Variants in DPH6 observed in about 807,000 individuals in gnomAD.
DPH6 encodes diphthine--ammonia ligase.
DPH6 carries 33 observed loss-of-function variants against 38.2 expected under a neutral mutation model. The ratio of observed to expected loss-of-function variants is 0.86; its 90% confidence interval spans 0.65 to 1.15. The LOEUF (loss-of-function observed/expected upper bound fraction) is 1.15, where lower values mean the gene tolerates loss of function less well. DPH6 is among the 50% of genes most tolerant of loss of function. The probability of loss-of-function intolerance (pLI) is 0.00; values close to 1 mark genes in which losing one functional copy is unlikely to be tolerated. For synonymous variants in DPH6, 108 were observed against 103.0 expected (o/e 1.05, Z -0.30); for missense variants, 325 against 320.0 (o/e 1.02, Z -0.12).
At chr15:35,263,292 T>G (rs556084646) in intron 3 of DPH6, among the ~76,000 whole-genome samples, 1 of 152,096 alleles carries the variant, frequency 6.6e-6, no homozygotes, top group Admixed American at 6.6e-5. Context: ...AGGTATTAAA[T>G]TAACTCTAGA....
At chr15:35,350,072 G>A (rs980913226) in intron 3 of DPH6, among the ~76,000 whole-genome samples, 2 of 152,102 alleles carry the variant, frequency 1.3e-5, no homozygotes, top group Non-Finnish European at 2.9e-5. Context: ...GAAGTCACTG[G>A]TCCTAAGCTT....
chr15:35,503,928 T>C (rs1458175691), intron 3 of DPH6, among the ~76,000 whole-genome samples: 2 of 152,128 alleles, frequency 1.3e-5, no homozygotes, highest in Non-Finnish European at 2.9e-5. Flanking sequence ...ACGAAATACT[T>C]AATCCCCAGG....
intron 3 of DPH6, among the ~76,000 whole-genome samples, chr15:35,248,322 C>T (rs533600976): frequency 3.0e-4 from 45 of 152,288 alleles, no homozygotes; most frequent in African/African-American, 9.4e-4. Context: ...CTCTAACTTT[C>T]CCCCACCTTT....
chr15:35,414,286 T>C (rs552760259), intron 5 of DPH6, among the ~76,000 whole-genome samples: 13 of 151,896 alleles, frequency 8.6e-5, no homozygotes, highest in Non-Finnish European at 1.5e-4. Flanking sequence ...AATAGTTTAG[T>C]TGCAATATAT....
At chr15:35,509,731 A>G (rs2054742052) in intron 3 of DPH6, among the ~76,000 whole-genome samples, 1 of 152,294 alleles carries the variant, frequency 6.6e-6, no homozygotes, top group East Asian at 1.9e-4. Flanking sequence ...TATGCTTAAT[A>G]TTTTTTTGTC....
At chr15:35,340,846 T>C (rs1417300394) in intron 3 of DPH6, among the ~76,000 whole-genome samples, 1 of 152,138 alleles carries the variant, frequency 6.6e-6, no homozygotes, top group Non-Finnish European at 1.5e-5. Context: ...AATCTGATGA[T>C]TATGTGTCTG....
chr15:35,382,326 C>T (rs956188929), intron 6 of DPH6, among the ~76,000 whole-genome samples: 1 of 151,746 alleles, frequency 6.6e-6, no homozygotes, highest in Non-Finnish European at 1.5e-5. Context: ...GTCCCAGCTA[C>T]TCGGGAGGCC....
chr15:35,196,995 T>C, the DPH6 span, among the ~76,000 whole-genome samples: 6 of 152,210 alleles, frequency 3.9e-5, no homozygotes, highest in Non-Finnish European at 8.8e-5. Context: ...TAGTTACTAC[T>C]GAGGGTTAAA....
intron 3 of DPH6, among the ~76,000 whole-genome samples, chr15:35,345,296 T>C (rs143746994): frequency 6.6e-6 from 1 of 152,060 alleles, no homozygotes; most frequent in East Asian, 1.9e-4. Context: ...GCACTATTTA[T>C]AGAGTCATAA....
intron 3 of DPH6, among the ~76,000 whole-genome samples, chr15:35,350,322 G>GTT (rs60012895): frequency 0.026 from 3,640 of 139,822 alleles, 77 homozygotes; most frequent in African/African-American, 0.047. Flanking sequence ...ACTGGAGTCT[G>GTT]TTTTTTTTTT....
chr15:35,205,811 T>C, the DPH6 span, among the ~76,000 whole-genome samples: 1 of 152,130 alleles, frequency 6.6e-6, no homozygotes, highest in Non-Finnish European at 1.5e-5. Context: ...TAAAAACCTT[T>C]AGTTTTTAAC....
intron 3 of DPH6, among the ~76,000 whole-genome samples, chr15:35,470,615 C>T (rs1162081929): frequency 6.6e-6 from 1 of 151,928 alleles, no homozygotes; most frequent in Admixed American, 6.5e-5. Flanking sequence ...GTGACTTACA[C>T]AGGTTCACAA....
intron 3 of DPH6, among the ~76,000 whole-genome samples, chr15:35,294,458 A>G (rs1347717420): frequency 6.6e-6 from 1 of 152,196 alleles, no homozygotes; most frequent in Non-Finnish European, 1.5e-5. Context: ...CATGTCCATG[A>G]GGATTGAGCT....
At chr15:35,489,640 G>C (rs988133796) in intron 3 of DPH6, 58 of 980,650 alleles carry the variant, frequency 5.9e-5, no homozygotes, top group South Asian at 9.4e-5. Flanking sequence ...ATAATGTTAA[G>C]TAAAAAAATA....
the DPH6 span, among the ~76,000 whole-genome samples, chr15:35,176,474 CTT>C: frequency 1.0e-4 from 15 of 145,032 alleles, no homozygotes; most frequent in Non-Finnish European, 1.2e-4. Flanking sequence ...GTTGTAAGGT[CTT>C]TTTTTTTTTT....
At chr15:35,487,061 C>T (rs1425469798) in intron 3 of DPH6, among the ~76,000 whole-genome samples, 2 of 152,190 alleles carry the variant, frequency 1.3e-5, no homozygotes, top group African/African-American at 4.8e-5. Flanking sequence ...CACGCTGATG[C>T]AAGACATGGT....
At chr15:35,542,285 C>T in intron 2 of DPH6, 128 bp downstream of exon 2, 11 of 682,448 alleles carry the variant, frequency 1.6e-5, no homozygotes, top group Non-Finnish European at 2.4e-5. Flanking sequence ...TGGAAACTAG[C>T]ATCTAATGGG....
chr15:35,328,148 T>C (rs1255253194), downstream of DPH6, among the ~76,000 whole-genome samples: 2 of 152,150 alleles, frequency 1.3e-5, no homozygotes, highest in Admixed American at 6.5e-5. Context: ...ATTTCCTCAT[T>C]GTGAAAAGGT....
intron 3 of DPH6, among the ~76,000 whole-genome samples, chr15:35,236,753 G>A (rs936227446): frequency 1.3e-5 from 2 of 151,910 alleles, no homozygotes; most frequent in African/African-American, 4.8e-5. Context: ...CCTTTTTGTG[G>A]ACCTGTAAAC....
Sources: allele counts gnomAD v4.1 joint callset (sites outside exome capture counted in the v4.1 genomes callset), GRCh38; gene constraint gnomAD v4.1.1; transcripts MANE v1.5; gene names NCBI Gene and HGNC (gene_info 2026-07-23, HGNC 2026-07-21).